MBD5: variants seen among roughly 807,000 people sequenced by gnomAD.
MBD5 encodes methyl-CpG-binding domain protein 5.
Under a neutral mutation model 117.3 loss-of-function variants are expected in MBD5, and 13 were observed. The ratio of observed to expected loss-of-function variants is 0.11; its 90% confidence interval spans 0.07 to 0.18. The LOEUF is 0.18. MBD5 is among the 10% of genes least tolerant of loss of function. The pLI is 1.00. For missense variants in MBD5, 1,879 were observed against 2,093.8 expected (o/e 0.90, Z 2.00); for synonymous variants, 727 against 766.4 (o/e 0.95, Z 0.85).
At chr2:148,277,159 G>A (rs1320139908) in intron 3 of MBD5, among the ~76,000 whole-genome samples, 1 of 152,058 alleles carries the variant, frequency 6.6e-6, no homozygotes, top group Non-Finnish European at 1.5e-5. Flanking sequence ...TAATTATTAA[G>A]GTAAGGCAAG....
In MBD5 at chr2:148,483,827, C is replaced by A; in HGVS notation, c.3236C>A (p.Ala1079Asp). The A allele has an allele frequency of 6.4e-7, 1 of 1,550,530 alleles. No homozygotes were observed. The highest frequency in any genetic ancestry group is 8.7e-7 in the Non-Finnish European group (1 of 1,146,958). ...CTGTTCCTCCCAGCTGTCAATGGGG[C>A]CTCAGGATTAATGACCTTGAATCCC... ...NPLFLPAVNG[A>D]SGLMTLNPQL... Residue 1079 changes from alanine to aspartate, a missense_variant, in exon 9 of 14, where the codon GCC (alanine) becomes GAC (aspartate). Coordinates refer to ENST00000642680, the MANE Select transcript of MBD5 (RefSeq NM_001378120.1).
chr2:148,198,591 CTTTGT>C (rs1432263151), intron 2 of MBD5, among the ~76,000 whole-genome samples: 1 of 151,800 alleles, frequency 6.6e-6, no homozygotes, highest in African/African-American at 2.4e-5. Flanking sequence ...GATATAAGCA[CTTTGT>C]TTTATTTTTT....
chr2:148,269,845 T>C (rs1700943180), intron 3 of MBD5, among the ~76,000 whole-genome samples: 1 of 151,928 alleles, frequency 6.6e-6, no homozygotes, highest in South Asian at 2.1e-4. Flanking sequence ...GTCAACCCTT[T>C]AGAATCAATC....
At chr2:148,292,709 A>T (rs1701526850) in intron 3 of MBD5, among the ~76,000 whole-genome samples, 1 of 152,194 alleles carries the variant, frequency 6.6e-6, no homozygotes, top group Non-Finnish European at 1.5e-5. Flanking sequence ...CAGCAGTCTC[A>T]CTGCTGAGTA....
At chr2:148,107,375 G>A (rs895928887) in intron 1 of MBD5, among the ~76,000 whole-genome samples, 1 of 151,688 alleles carries the variant, frequency 6.6e-6, no homozygotes, top group Non-Finnish European at 1.5e-5. Context: ...ATTTATCCCA[G>A]TTGGGATTCA....
chr2:148,263,356 G>A (rs988430685), intron 3 of MBD5, among the ~76,000 whole-genome samples: 1 of 152,150 alleles, frequency 6.6e-6, no homozygotes, highest in African/African-American at 2.4e-5. Flanking sequence ...TGCATTGGGA[G>A]GCAGAGAGAG....
intron 3 of MBD5, among the ~76,000 whole-genome samples, chr2:148,324,444 C>T (rs1048654169): frequency 6.6e-6 from 1 of 152,312 alleles, no homozygotes; most frequent in South Asian, 2.1e-4. Context: ...GCCATTTTCA[C>T]AATATTTATT....
At position 148,463,601 on chromosome 2, in the gene MBD5, T is replaced by A. The variant is rs978715382; in HGVS notation, c.217-138T>A. 1.6e-5 allele frequency: 15 copies of A among 936,572 alleles called. No individual in the cohort carries two copies. The African/African-American group carries it at 2.3e-4, about 14-fold the overall frequency. The allele number at this position is 936,572 out of a possible 1,614,324, so 58.0% of individuals were successfully genotyped here. ...GAAGTACTTACTAAGTTATATAAAG[T>A]TGCCTTTCTTAAAAACTTGAGAAAG... On this transcript the variant is annotated intron_variant, in intron 6 of 13. Transcript: ENST00000642680.
At chr2:148,459,289 C>T (rs936573282) in intron 5 of MBD5, among the ~76,000 whole-genome samples, 1 of 152,070 alleles carries the variant, frequency 6.6e-6, no homozygotes, top group Admixed American at 6.6e-5. Flanking sequence ...CTTCTTAATG[C>T]CTCATGTTAA....
chr2:148,077,107 C>T (rs181526954), intron 1 of MBD5, among the ~76,000 whole-genome samples: 1 of 152,328 alleles, frequency 6.6e-6, no homozygotes, highest in Non-Finnish European at 1.5e-5. Flanking sequence ...GACATCTGTT[C>T]TATAATAACT....
chr2:148,154,850 G>A (rs1254954816), intron 1 of MBD5, among the ~76,000 whole-genome samples: 3 of 152,102 alleles, frequency 2.0e-5, no homozygotes, highest in Non-Finnish European at 4.4e-5. Context: ...CTAGTGAGAT[G>A]AACCCAGTAC....
At chr2:148,426,770 G>A (rs13156515) in intron 4 of MBD5, among the ~76,000 whole-genome samples, 7,143 of 152,168 alleles carry the variant, frequency 0.047, 518 homozygotes, top group African/African-American at 0.16. Context: ...AACACCAAAA[G>A]CAATGGCAAC....
intron 3 of MBD5, among the ~76,000 whole-genome samples, chr2:148,315,695 C>A (rs1469910366): frequency 6.6e-6 from 1 of 152,178 alleles, no homozygotes; most frequent in Non-Finnish European, 1.5e-5. Context: ...CATTCCTCTA[C>A]CCATCTACAA....
chr2:148,021,486 G>GCTGCTGCTGCTA lies in MBD5; in HGVS notation c.-1111_-1100dup, dbSNP rs1173593818. On this transcript the variant is annotated 5_prime_UTR_variant, in exon 1 of 14. Transcript: ENST00000642680. ...TGTTGCTGCTGCTGCTGCTGTTGCT[G>GCTGCTGCTGCTA]CTGCTGCTGCTACTGCTGCTGCTGC... The GCTGCTGCTGCTA allele has an allele frequency of 5.2e-6, 3 of 577,044 alleles. No individual in the cohort carries two copies. The Admixed American group carries it at 6.5e-5, about 12-fold the overall frequency. The allele number at this position is 577,044 out of a possible 1,614,324, so 35.7% of individuals were successfully genotyped here. A position where few individuals can be genotyped will look rare whatever the true frequency, so the allele number is the denominator to read the frequency against.
intron 1 of MBD5, among the ~76,000 whole-genome samples, chr2:148,048,283 G>A (rs1244180135): frequency 6.6e-6 from 1 of 152,094 alleles, no homozygotes; most frequent in Non-Finnish European, 1.5e-5. Flanking sequence ...CATATATTAA[G>A]GCTCCTGATA....
intron 7 of MBD5, among the ~76,000 whole-genome samples, chr2:148,467,155 A>T (rs1298463449): frequency 6.6e-6 from 1 of 152,124 alleles, no homozygotes; most frequent in Non-Finnish European, 1.5e-5. Flanking sequence ...CCTTTCCAAC[A>T]CAGCTTTCTA....
chr2:148,219,723 C>G (rs1327488027), intron 2 of MBD5, among the ~76,000 whole-genome samples: 4 of 152,108 alleles, frequency 2.6e-5, no homozygotes, highest in Admixed American at 1.3e-4. Context: ...ACACTTTTTC[C>G]TATCCTAAGC....
intron 1 of MBD5, among the ~76,000 whole-genome samples, chr2:148,131,326 T>TTGAA (rs1420892641): frequency 1.3e-5 from 2 of 152,186 alleles, no homozygotes; most frequent in African/African-American, 2.4e-5. Flanking sequence ...TCTATAAATC[T>TTGAA]TGAATGAATG....
chr2:148,204,078 AAAG>A (rs1276353315), intron 2 of MBD5, among the ~76,000 whole-genome samples: 1 of 152,172 alleles, frequency 6.6e-6, no homozygotes, highest in African/African-American at 2.4e-5. Context: ...GAATGGGAGA[AAAG>A]AGAAGAGAAA....
Sources: allele counts gnomAD v4.1 joint callset (sites outside exome capture counted in the v4.1 genomes callset), GRCh38; gene constraint gnomAD v4.1.1; transcripts MANE v1.5; gene names NCBI Gene and HGNC (gene_info 2026-07-23, HGNC 2026-07-21).